FAM107B: variants seen among roughly 807,000 people sequenced by gnomAD.
FAM107B encodes the protein protein FAM107B.
A neutral mutation model predicts 31.5 loss-of-function variants in FAM107B; 21 were observed. The ratio of observed to expected loss-of-function variants is 0.67; its 90% CI spans 0.47 to 0.96. FAM107B has a LOEUF of 0.96. Ranked by LOEUF, FAM107B falls within the 40% of genes least tolerant of loss-of-function variation. The probability of loss-of-function intolerance (pLI) is 0.00; values close to 1 mark genes in which losing one functional copy is unlikely to be tolerated. For missense variants in FAM107B, 452 were observed against 377.1 expected, an observed-to-expected ratio of 1.20 and a Z score of -1.64; for synonymous variants, 157 against 141.5, an observed-to-expected ratio of 1.11 and a Z score of -0.78.
intron 1 of FAM107B, among the ~76,000 whole-genome samples, chr10:14,684,125 A>G (rs1409597845): frequency 1.3e-5 from 2 of 152,186 alleles, no homozygotes; most frequent in Non-Finnish European, 2.9e-5. Context: ...GTGTCCTCAT[A>G]TGCTGGAAGG....
At chr10:14,527,228 T>C (rs1846365678) in intron 3 of FAM107B, among the ~76,000 whole-genome samples, 1 of 151,678 alleles carries the variant, frequency 6.6e-6, no homozygotes, top group African/African-American at 2.4e-5. Flanking sequence ...TTTATACTAC[T>C]GAAAACACCT....
intron 1 of FAM107B, among the ~76,000 whole-genome samples, chr10:14,692,348 G>A (rs989129406): frequency 5.9e-5 from 9 of 152,112 alleles, no homozygotes; most frequent in Non-Finnish European, 1.3e-4. Context: ...TCGTAGGAGG[G>A]GTACTAAACC....
intron 1 of FAM107B, among the ~76,000 whole-genome samples, chr10:14,738,536 G>T (rs1047731804): frequency 1.3e-5 from 2 of 152,160 alleles, no homozygotes; most frequent in African/African-American, 4.8e-5. Context: ...AACTCCAAAA[G>T]ATTCCCTTAG....
chr10:14,744,566 CT>C (rs1261476819), intron 1 of FAM107B, among the ~76,000 whole-genome samples: 2 of 151,976 alleles, frequency 1.3e-5, no homozygotes, highest in Non-Finnish European at 2.9e-5. Flanking sequence ...GAGATGTTGA[CT>C]TTTTTTGAAG....
At chr10:14,530,715 C>T (rs920991519) in intron 2 of FAM107B, among the ~76,000 whole-genome samples, 200 bp from the exon 3 acceptor site, 10 of 152,310 alleles carry the variant, frequency 6.6e-5, no homozygotes, top group South Asian at 4.1e-4. Flanking sequence ...GGCCTGGTCT[C>T]GTCTTGCCCA....
chr10:14,609,051 T>C (rs724177), intron 2 of FAM107B, among the ~76,000 whole-genome samples: 46,117 of 152,180 alleles, frequency 0.3, 8,285 homozygotes, highest in Non-Finnish European at 0.4. Context: ...ATGGCCTCAA[T>C]TGATAGGTCA....
chr10:14,602,694 T>C (rs1245668968), intron 2 of FAM107B: 1 of 152,232 alleles, frequency 6.6e-6, no homozygotes, highest in Non-Finnish European at 1.5e-5. Context: ...CTTAAAGATT[T>C]CATTTAAAGA....
intron 1 of FAM107B, among the ~76,000 whole-genome samples, chr10:14,748,268 GTCC>G (rs1488378374): frequency 1.3e-4 from 20 of 152,206 alleles, no homozygotes; most frequent in African/African-American, 4.8e-4. Context: ...ATGAGTGAAT[GTCC>G]TCAAGTTGGG....
intron 1 of FAM107B, among the ~76,000 whole-genome samples, chr10:14,711,751 C>G (rs1855652453): frequency 6.6e-6 from 1 of 152,194 alleles, no homozygotes; most frequent in African/African-American, 2.4e-5. Context: ...TCAAGTGATT[C>G]TCCTGCCTCA....
chr10:14,723,816 C>G, intron 1 of FAM107B: 1 of 757,132 alleles, frequency 1.3e-6, no homozygotes. Context: ...GGCCAGTATA[C>G]CTGGAGGACA....
At chr10:14,540,895 C>T (rs1848122074) in intron 2 of FAM107B, among the ~76,000 whole-genome samples, 3 of 152,194 alleles carry the variant, frequency 2.0e-5, no homozygotes, top group Non-Finnish European at 4.4e-5. Context: ...GAGCCAACCC[C>T]ACCCCACAGG....
chr10:14,640,891 C>T (rs1853610853), intron 2 of FAM107B, among the ~76,000 whole-genome samples: 2 of 152,106 alleles, frequency 1.3e-5, no homozygotes, highest in Admixed American at 1.3e-4. Context: ...ACATTTTCCC[C>T]TTTTTTTAAA....
intron 2 of FAM107B, among the ~76,000 whole-genome samples, chr10:14,555,343 T>C (rs1413989003): frequency 1.3e-5 from 2 of 152,244 alleles, no homozygotes; most frequent in Non-Finnish European, 2.9e-5. Context: ...AACTGACTAC[T>C]GGATTAAATA....
At chr10:14,592,329 TG>T (rs1852048546) in intron 2 of FAM107B, among the ~76,000 whole-genome samples, 1 of 152,198 alleles carries the variant, frequency 6.6e-6, no homozygotes, top group African/African-American at 2.4e-5. Context: ...GTTCCTTTGC[TG>T]GAAATTTTTG....
intron 2 of FAM107B, among the ~76,000 whole-genome samples, chr10:14,645,583 T>C (rs1853732112): frequency 6.6e-6 from 1 of 152,138 alleles, no homozygotes; most frequent in Non-Finnish European, 1.5e-5. Context: ...CCTCAGCTTG[T>C]AGGGGGATGT....
At chr10:14,764,249 G>A (rs1252657387) in intron 1 of FAM107B, among the ~76,000 whole-genome samples, 1 of 152,176 alleles carries the variant, frequency 6.6e-6, no homozygotes. Flanking sequence ...TAAGTTATGT[G>A]AGGCACATCT....
intron 1 of FAM107B, among the ~76,000 whole-genome samples, chr10:14,759,003 A>AC (rs1221932517): frequency 6.6e-6 from 1 of 151,426 alleles, no homozygotes; most frequent in Non-Finnish European, 1.5e-5. Flanking sequence ...ACATGGAGAA[A>AC]CCCCATCTCT....
intron 1 of FAM107B, among the ~76,000 whole-genome samples, chr10:14,729,865 A>G (rs1856132127): frequency 1.3e-5 from 2 of 152,262 alleles, no homozygotes; most frequent in South Asian, 4.1e-4. Context: ...GCCATAAAAA[A>G]GAATGAGTTC....
chr10:14,527,624 G>A (rs142057177), intron 3 of FAM107B, among the ~76,000 whole-genome samples: 1 of 152,360 alleles, frequency 6.6e-6, no homozygotes, highest in African/African-American at 2.4e-5. Context: ...TCACCTGAGT[G>A]AGGGTAACCT....
Sources: allele counts gnomAD v4.1 joint callset (sites outside exome capture counted in the v4.1 genomes callset), GRCh38; gene constraint gnomAD v4.1.1; transcripts MANE v1.5; gene names NCBI Gene and HGNC (gene_info 2026-07-23, HGNC 2026-07-21).